Variants in RBM27 observed in about 807,000 individuals in gnomAD.
The protein encoded by RBM27 is RNA-binding protein 27.
In RBM27, 22 loss-of-function variants were observed where a neutral mutation model predicts 135.3. The ratio of observed to expected loss-of-function variants is 0.16; its 90% CI spans 0.12 to 0.23. The LOEUF (loss-of-function observed/expected upper bound fraction) is 0.23, where lower values mean the gene tolerates loss of function less well. Ranked by LOEUF, RBM27 falls within the 10% of genes least tolerant of loss-of-function variation. The probability of loss-of-function intolerance (pLI) is 1.00; values close to 1 mark genes in which losing one functional copy is unlikely to be tolerated. For missense variants in RBM27, 1,009 were observed against 1,281.0 expected (o/e 0.79, Z 3.24); for synonymous variants, 481 against 442.4 (o/e 1.09, Z -1.10).
intron 1 of RBM27, among the ~76,000 whole-genome samples, chr5:146,209,345 G>A (rs931789462): frequency 7.2e-5 from 11 of 152,182 alleles, no homozygotes; most frequent in African/African-American, 2.7e-4. Flanking sequence ...GGTAGGAACA[G>A]GAATTGCTAG....
intron 10 of RBM27, among the ~76,000 whole-genome samples, chr5:146,255,372 T>G (rs1758059959): frequency 6.6e-6 from 1 of 152,228 alleles, no homozygotes; most frequent in Non-Finnish European, 1.5e-5. Context: ...GTTTTAGTTT[T>G]GTTGCTAGGC....
chr5:146,250,207 G>A (rs1192212957), intron 8 of RBM27, among the ~76,000 whole-genome samples: 2 of 152,002 alleles, frequency 1.3e-5, no homozygotes, highest in South Asian at 2.1e-4. Flanking sequence ...TTGGGAGGCC[G>A]AGACGGGCAG....
rs531890035 is a variant in RBM27, at chr5:146,242,016, G to A, written c.1279+4584G>A. 4.6e-5 allele frequency among the ~76,000 whole-genome samples: 7 copies of A among 152,144 alleles called. 1 individual carries two copies. The South Asian group carries it at 1.2e-3, about 27-fold the overall frequency. On this transcript the variant is annotated intron_variant, in intron 8 of 20. Coordinates refer to ENST00000265271, the MANE Select transcript of RBM27 (RefSeq NM_018989.2). ...TTGTTGCCCAGGCTGGTCTCAAACT[G>A]TGGGCTCAAGTGTTACTCCTGCCTC...
chr5:146,266,471 A>G (rs932734712), intron 14 of RBM27, among the ~76,000 whole-genome samples: 2 of 152,236 alleles, frequency 1.3e-5, no homozygotes, highest in African/African-American at 2.4e-5. Flanking sequence ...GGTGAATATT[A>G]TGGCACATGC....
intron 8 of RBM27, among the ~76,000 whole-genome samples, chr5:146,246,494 A>G (rs569578116): frequency 3.3e-5 from 5 of 152,166 alleles, no homozygotes; most frequent in Non-Finnish European, 7.4e-5. Context: ...CTTCACCATT[A>G]CTGTAACCTA....
chr5:146,275,688 C>T (rs999656300), intron 19 of RBM27, among the ~76,000 whole-genome samples: 1 of 152,058 alleles, frequency 6.6e-6, no homozygotes, highest in South Asian at 2.1e-4. Context: ...AAGTTTAATT[C>T]AGAAGCTGAA....
intron 19 of RBM27, among the ~76,000 whole-genome samples, chr5:146,280,346 C>T (rs186417004): frequency 6.8e-4 from 104 of 152,292 alleles, no homozygotes; most frequent in African/African-American, 2.5e-3. Flanking sequence ...TGTGCCACCA[C>T]GCCCGACCTA....
At chr5:146,275,899 A>G (rs567337017) in intron 19 of RBM27, among the ~76,000 whole-genome samples, 29 of 152,298 alleles carry the variant, frequency 1.9e-4, no homozygotes, top group Admixed American at 5.2e-4. Flanking sequence ...CTTCTTTTCA[A>G]GAAGTCTAGA....
chr5:146,239,454 CTTTTTTTTTTTCCTTTTCTTTTTT>C (rs1757305029), intron 8 of RBM27, among the ~76,000 whole-genome samples: 1 of 127,562 alleles, frequency 7.8e-6, no homozygotes, highest in South Asian at 2.5e-4. Flanking sequence ...CTTCTAACTC[CTTTTTTTTTTTCCTTTTCTTTTTT>C]TTTTTTTTTT....
At chr5:146,228,037 G>A (rs554965309) in intron 3 of RBM27, among the ~76,000 whole-genome samples, 3 of 152,108 alleles carry the variant, frequency 2.0e-5, no homozygotes, top group Admixed American at 2.0e-4. Flanking sequence ...GAGATTTGCT[G>A]TTTTAATTTG....
intron 6 of RBM27, among the ~76,000 whole-genome samples, chr5:146,232,692 C>G: frequency 6.6e-6 from 1 of 152,088 alleles, no homozygotes; most frequent in East Asian, 1.9e-4. Flanking sequence ...CTTCAGCCTC[C>G]TGAGTAGCTG....
At chr5:146,228,282 C>CTTTTTTTT (rs1043361050) in intron 3 of RBM27, among the ~76,000 whole-genome samples, 5 of 111,842 alleles carry the variant, frequency 4.5e-5, no homozygotes, top group Non-Finnish European at 6.8e-5. Context: ...ACCATTCTTT[C>CTTTTTTTT]TTTTTTTTTT....
intron 1 of RBM27, among the ~76,000 whole-genome samples, chr5:146,204,275 A>G (rs1755530731): frequency 1.3e-5 from 2 of 152,192 alleles, no homozygotes; most frequent in Admixed American, 6.5e-5. Context: ...CAAAATATCG[A>G]GGGCATTTTC....
intron 19 of RBM27, among the ~76,000 whole-genome samples, chr5:146,274,359 C>T (rs966949950): frequency 3.9e-5 from 6 of 151,908 alleles, no homozygotes; most frequent in African/African-American, 1.2e-4. Flanking sequence ...TGGGTTCAAG[C>T]GATTCTCGTG....
intron 8 of RBM27, among the ~76,000 whole-genome samples, chr5:146,250,001 T>G (rs1757813168): frequency 6.6e-6 from 1 of 152,210 alleles, no homozygotes; most frequent in Non-Finnish European, 1.5e-5. Flanking sequence ...CTCTTTTGCT[T>G]CTTATATACG....
chr5:146,212,334 G>A (rs753523152), intron 1 of RBM27, among the ~76,000 whole-genome samples: 9 of 151,002 alleles, frequency 6.0e-5, no homozygotes, highest in Non-Finnish European at 1.2e-4. Context: ...GATTACAGGC[G>A]TGAGCCACCC....
Position 146,229,800 on chromosome 5 carries a change from A to G in RBM27, c.479A>G (p.Tyr160Cys). 6.2e-7 allele frequency: 1 copy of G among 1,613,960 alleles called. No homozygotes were observed. Among genetic ancestry groups the G allele is most frequent in the Non-Finnish European group, 8.5e-7 (1 of 1,179,938 alleles). Residue 160 changes from tyrosine (Y) to cysteine (C), a missense_variant, in exon 5 of 21, where the codon TAT becomes TGT. By Grantham distance (194) the Tyr-to-Cys change is radical (BLOSUM62 -2). Around this residue, in one of 6 missense-constraint regions of RBM27, gnomAD observed 268 missense variants for 326.6 expected, o/e 0.82. Transcript: ENST00000265271. The stretch of plus-strand genomic sequence containing the variant: ...CGGAATGAATTGTACCGTGAGAAGT[A>G]TGACTGGAGAAGAGGCAGGAGTAAG... ...YERNELYREK[Y>C]DWRRGRSKSR...
chr5:146,230,544 A>G, intron 5 of RBM27, 113 bp from the exon 6 acceptor site: 2 of 1,088,028 alleles, frequency 1.8e-6, no homozygotes, highest in East Asian at 2.5e-5. Context: ...ATGGATAGCT[A>G]GATAAGTTTA....
intron 12 of RBM27, 63 bp downstream of exon 12, chr5:146,260,961 C>A (rs1758371271): frequency 4.1e-6 from 6 of 1,468,182 alleles, no homozygotes; most frequent in South Asian, 3.9e-5. Context: ...ATATTTCTAT[C>A]AGCTCACCTT....
Sources: allele counts gnomAD v4.1 joint callset (sites outside exome capture counted in the v4.1 genomes callset), GRCh38; gene constraint gnomAD v4.1.1; regional missense constraint gnomAD v4.1.1; transcripts MANE v1.5; gene names NCBI Gene and HGNC (gene_info 2026-07-23, HGNC 2026-07-21).